PIP5K1B: variants seen among roughly 807,000 people sequenced by gnomAD.
PIP5K1B encodes the protein phosphatidylinositol-4-phosphate 5-kinase type 1 beta.
A neutral mutation model predicts 67.0 loss-of-function variants in PIP5K1B; 42 were observed. That is an observed-to-expected ratio of 0.63 (90% CI 0.49 to 0.81). PIP5K1B has a LOEUF of 0.81. PIP5K1B is among the 30% of genes least tolerant of loss of function. PIP5K1B has a pLI of 0.00. For synonymous variants in PIP5K1B, 214 were observed against 231.4 expected, an observed-to-expected ratio of 0.92 and a Z score of 0.68; for missense variants, 459 against 646.3, an observed-to-expected ratio of 0.71 and a Z score of 3.14.
intron 8 of PIP5K1B, among the ~76,000 whole-genome samples, chr9:68,908,871 A>T (rs889295688): frequency 1.3e-5 from 2 of 152,038 alleles, no homozygotes; most frequent in Non-Finnish European, 2.9e-5. Flanking sequence ...CCAATCATTA[A>T]CTCCTTGTTC....
intron 2 of PIP5K1B, among the ~76,000 whole-genome samples, chr9:68,809,893 A>G (rs376270623): frequency 3.3e-5 from 5 of 152,104 alleles, no homozygotes; most frequent in African/African-American, 1.2e-4. Context: ...TGCTAATAGG[A>G]TTCCTTTGAA....
intron 2 of PIP5K1B, among the ~76,000 whole-genome samples, chr9:68,796,669 G>A (rs1832311962): frequency 6.6e-6 from 1 of 152,144 alleles, no homozygotes; most frequent in South Asian, 2.1e-4. Flanking sequence ...CGTAATTCAT[G>A]GCTAGTGAGG....
At chr9:68,924,737 GT>G (rs1826598330) in intron 12 of PIP5K1B, among the ~76,000 whole-genome samples, 1 of 151,902 alleles carries the variant, frequency 6.6e-6, no homozygotes, top group African/African-American at 2.4e-5. Context: ...AAAGTAGAAT[GT>G]TCATGTTTTA....
At chr9:68,895,721 A>G (rs985289015) in intron 8 of PIP5K1B, among the ~76,000 whole-genome samples, 4 of 151,962 alleles carry the variant, frequency 2.6e-5, no homozygotes, top group Admixed American at 6.6e-5. Flanking sequence ...CTTTATTGAC[A>G]GAGATGTTAC....
chr9:68,875,726 A>G (rs1357511343), intron 5 of PIP5K1B, among the ~76,000 whole-genome samples: 3 of 152,212 alleles, frequency 2.0e-5, no homozygotes, highest in East Asian at 3.8e-4. Flanking sequence ...TAGAATGTAG[A>G]TCAAAGGGAT....
intron 2 of PIP5K1B, among the ~76,000 whole-genome samples, chr9:68,775,919 C>CATA (rs891375756): frequency 6.6e-6 from 1 of 152,064 alleles, no homozygotes; most frequent in African/African-American, 2.4e-5. Flanking sequence ...AGCTATTACA[C>CATA]ATAATAATAA....
chr9:68,988,315 TAA>T (rs567882614), intron 14 of PIP5K1B, among the ~76,000 whole-genome samples: 1 of 151,282 alleles, frequency 6.6e-6, no homozygotes, highest in Non-Finnish European at 1.5e-5. Context: ...CTTTTATATA[TAA>T]GAGCTTCCAG....
intron 7 of PIP5K1B, 51 bp from the exon 8 acceptor site, chr9:68,894,288 T>G (rs759581084): frequency 8.4e-7 from 1 of 1,186,070 alleles, no homozygotes; most frequent in Non-Finnish European, 1.2e-6. Context: ...TGGAGCATTA[T>G]TTTGTCAAAA....
chr9:68,882,993 C>T (rs1824275541), intron 6 of PIP5K1B, among the ~76,000 whole-genome samples: 1 of 152,128 alleles, frequency 6.6e-6, no homozygotes, highest in African/African-American at 2.4e-5. Context: ...TATTGTAGGC[C>T]GTGTGCTTCT....
Position 68,924,683 on chromosome 9 carries a change from A to G in PIP5K1B, c.1201+1297A>G, listed in dbSNP as rs114199037. On this transcript the variant is annotated intron_variant, in intron 12 of 15. Coordinates refer to ENST00000265382, the MANE Select transcript of PIP5K1B (RefSeq NM_003558.4). ...TATCATTTTGCTATTCTGTGGTCCA[A>G]TTTCATAAACTAAAACATGATAATT... 3.6e-3 allele frequency among the ~76,000 whole-genome samples: 541 copies of G among 152,264 alleles called. 5 individuals are homozygous for G. Among genetic ancestry groups the G allele is most frequent in the African/African-American group, 0.013 (521 of 41,560 alleles).
intron 8 of PIP5K1B, among the ~76,000 whole-genome samples, chr9:68,917,128 G>A (rs887073770): frequency 1.3e-5 from 2 of 152,258 alleles, no homozygotes; most frequent in East Asian, 1.9e-4. Context: ...TATGTGCTGT[G>A]TGATATTGAG....
intron 1 of PIP5K1B, among the ~76,000 whole-genome samples, chr9:68,724,987 G>A (rs1828082799): frequency 6.6e-6 from 1 of 151,872 alleles, no homozygotes. Context: ...TTGGCTGAAT[G>A]TTCTATTTCT....
rs142645474 is a variant in PIP5K1B, at chr9:68,894,322, C to CTT, written c.472-11_472-10dup. On this transcript the variant is annotated splice_polypyrimidine_tract_variant and intron_variant, in intron 7 of 15. Transcript: ENST00000265382. ...AATAGAAGATTGTAAATATATTTTT[C>CTT]TTTTTTTGGTTTCTAGAATTTAAAC... is the stretch of plus-strand genomic sequence containing the variant. 7.2e-5 allele frequency: 109 copies of CTT among 1,521,742 alleles called. No homozygotes were observed. The African/African-American group carries it at 1.4e-3, about 20-fold the overall frequency. The allele number at this position is 1,521,742 out of a possible 1,614,324, so 94.3% of individuals were successfully genotyped here.
intron 2 of PIP5K1B, among the ~76,000 whole-genome samples, chr9:68,796,823 G>A (rs904445804): frequency 3.5e-4 from 54 of 152,302 alleles, no homozygotes; most frequent in African/African-American, 1.3e-3. Flanking sequence ...GTCTTTCATA[G>A]CTATGGCAAC....
At chr9:68,928,885 C>G (rs992721308) in intron 12 of PIP5K1B, among the ~76,000 whole-genome samples, 1 of 152,188 alleles carries the variant, frequency 6.6e-6, no homozygotes, top group Non-Finnish European at 1.5e-5. Context: ...TGTAAGCTAG[C>G]TGGGCACGGT....
intron 4 of PIP5K1B, among the ~76,000 whole-genome samples, chr9:68,851,369 T>C (rs1488064290): frequency 6.6e-6 from 1 of 152,200 alleles, no homozygotes; most frequent in African/African-American, 2.4e-5. Context: ...AATAACCTTG[T>C]TATAAGGCAA....
chr9:68,913,431 A>AT, intron 8 of PIP5K1B, among the ~76,000 whole-genome samples: 1 of 152,200 alleles, frequency 6.6e-6, no homozygotes, highest in Non-Finnish European at 1.5e-5. Flanking sequence ...ACACATGTTA[A>AT]GTTGTTGGCA....
chr9:68,863,910 C>G lies in PIP5K1B; in HGVS notation c.143C>G (p.Pro48Arg). 1 of 1,613,614 alleles carries G rather than the reference C, an allele frequency of 6.2e-7. No individual in the cohort carries two copies. Among genetic ancestry groups the G allele is most frequent in the Non-Finnish European group, 8.5e-7 (1 of 1,179,556 alleles). The change falls in exon 5 of 16, where the codon CCA becomes CGA. Residue 48 changes from proline to arginine, a missense_variant. Coordinates refer to ENST00000265382, the MANE Select transcript of PIP5K1B (RefSeq NM_003558.4). ...GYTVGNLTSK[P>R]ERDVLMQDFY... ...ACAGTGGGTAATCTCACTTCCAAGC[C>G]AGAACGAGATGTTCTTATGCAAGAC...
At chr9:68,943,063 C>T (rs1404734917) in intron 14 of PIP5K1B, among the ~76,000 whole-genome samples, 1 of 152,206 alleles carries the variant, frequency 6.6e-6, no homozygotes, top group Non-Finnish European at 1.5e-5. Context: ...AAACGCATTT[C>T]AGTGAGCCTA....
Sources: allele counts gnomAD v4.1 joint callset (sites outside exome capture counted in the v4.1 genomes callset), GRCh38; gene constraint gnomAD v4.1.1; transcripts MANE v1.5; gene names NCBI Gene and HGNC (gene_info 2026-07-23, HGNC 2026-07-21).